The following ANTXR1 variants were observed in gnomAD, a reference collection of about 807,000 sequenced individuals.
ANTXR1 encodes ANTXR cell adhesion molecule 1.
ANTXR1 carries 19 observed loss-of-function variants against 78.1 expected under a neutral mutation model. The observed-to-expected ratio is 0.24, with a 90% confidence interval of 0.17 to 0.36. The LOEUF (loss-of-function observed/expected upper bound fraction) is 0.36, where lower values mean the gene tolerates loss of function less well. Ranked by LOEUF, ANTXR1 falls within the 10% of genes least tolerant of loss-of-function variation. ANTXR1 has a pLI of 1.00. For missense variants in ANTXR1, 518 were observed against 718.6 expected, an observed-to-expected ratio of 0.72 and a Z score of 3.19; for synonymous variants, 273 against 260.5, an observed-to-expected ratio of 1.05 and a Z score of -0.46.
intron 12 of ANTXR1, chr2:69,146,030 T>C: frequency 1.0e-6 from 1 of 985,502 alleles, no homozygotes; most frequent in Non-Finnish European, 1.2e-6. Flanking sequence ...AAAGCCATGA[T>C]GCAGGGATTT....
chr2:69,146,493 C>A (rs1468072644), intron 12 of ANTXR1: 1 of 708,640 alleles, frequency 1.4e-6, no homozygotes, highest in Non-Finnish European at 1.7e-6. Flanking sequence ...GAATCTTTTT[C>A]AAAGGTTTGT....
chr2:69,116,964 C>A (rs1672164072), intron 10 of ANTXR1, among the ~76,000 whole-genome samples: 1 of 152,206 alleles, frequency 6.6e-6, no homozygotes, highest in African/African-American at 2.4e-5. Flanking sequence ...GAACTTTCTT[C>A]TTTGCCAGTC....
chr2:69,203,086 G>C (rs1402063298), intron 17 of ANTXR1, among the ~76,000 whole-genome samples: 1 of 149,758 alleles, frequency 6.7e-6, no homozygotes, highest in African/African-American at 2.4e-5. Context: ...AAACAATTAA[G>C]TTTACATTAG....
At chr2:69,133,469 T>C (rs1274858352) in intron 12 of ANTXR1, among the ~76,000 whole-genome samples, 2 of 152,188 alleles carry the variant, frequency 1.3e-5, no homozygotes, top group Non-Finnish European at 2.9e-5. Context: ...GATTGGAGAC[T>C]CACCTTGAAG....
intron 9 of ANTXR1, among the ~76,000 whole-genome samples, chr2:69,091,699 T>C (rs2104285660): frequency 6.6e-6 from 1 of 152,282 alleles, no homozygotes; most frequent in Non-Finnish European, 1.5e-5. Context: ...ACAGTTAATA[T>C]ATTTATCTTA....
At chr2:69,167,140 G>A (rs1673848266) in intron 13 of ANTXR1, among the ~76,000 whole-genome samples, 1 of 152,216 alleles carries the variant, frequency 6.6e-6, no homozygotes, top group South Asian at 2.1e-4. Flanking sequence ...GGAGACTGGA[G>A]TGCAGAAAGT....
At chr2:69,138,986 A>T (rs561075577) in intron 12 of ANTXR1, among the ~76,000 whole-genome samples, 2 of 152,344 alleles carry the variant, frequency 1.3e-5, no homozygotes, top group East Asian at 3.9e-4. Context: ...GCCAAAGTAA[A>T]TATCTACAAA....
At chr2:69,119,941 C>T (rs1354832951) in intron 10 of ANTXR1, among the ~76,000 whole-genome samples, 2 of 152,224 alleles carry the variant, frequency 1.3e-5, no homozygotes, top group Non-Finnish European at 2.9e-5. Context: ...TTAGAGATTG[C>T]CTGCATGCAA....
At chr2:69,097,579 G>A (rs1049134587) in intron 9 of ANTXR1, among the ~76,000 whole-genome samples, 2 of 152,160 alleles carry the variant, frequency 1.3e-5, no homozygotes, top group African/African-American at 4.8e-5. Context: ...TTCATTCTCT[G>A]CTCAATCTTT....
chr2:69,030,788 CAATAAATAACAGGA>C (rs1322238200), intron 1 of ANTXR1, among the ~76,000 whole-genome samples: 1 of 151,792 alleles, frequency 6.6e-6, no homozygotes, highest in Admixed American at 6.6e-5. Flanking sequence ...GCATTATCGG[CAATAAATAACAGGA>C]AATGAATAGC....
In ANTXR1 at chr2:69,013,546, T is replaced by A; in HGVS notation, c.47T>A (p.Leu16His). 1 of 1,582,146 alleles carries A rather than the reference T, an allele frequency of 6.3e-7. No individual in the cohort carries two copies. Among genetic ancestry groups the A allele is most frequent in the South Asian group, 1.2e-5 (1 of 86,074 alleles). Residue 16 changes from leucine (L) to histidine (H), a missense_variant, in exon 1 of 18, where the codon CTC becomes CAC. Leu to His is a moderately conservative substitution (Grantham distance 99). Coordinates refer to ENST00000303714, the MANE Select transcript of ANTXR1 (RefSeq NM_032208.3). The surrounding 1 kb of genome is among the most constrained non-coding windows in gnomAD (Gnocchi z 5.0). ...RRALGIGFQW[L>H]SLATLVLICA... The stretch of plus-strand genomic sequence containing the variant: ...GCCCTCGGCATCGGCTTCCAGTGGC[T>A]CTCTTTGGCCACTCTGGTGCTCATC...
At chr2:69,054,256 A>G (rs1267095658) in intron 3 of ANTXR1, among the ~76,000 whole-genome samples, 1 of 152,164 alleles carries the variant, frequency 6.6e-6, no homozygotes, top group African/African-American at 2.4e-5. Flanking sequence ...AAGAAGCGCT[A>G]TCCCAGTGTT....
At chr2:69,090,524 TCATTTCCAGAGTTAAGTCC>T in intron 8 of ANTXR1, 1 of 373,404 alleles carries the variant, frequency 2.7e-6, no homozygotes, top group Non-Finnish European at 5.1e-6. Context: ...TTGGCATTTA[TCATTTCCAGAGTTAAGTCC>T]CATTTCCGCA....
intron 17 of ANTXR1, among the ~76,000 whole-genome samples, chr2:69,242,380 G>A (rs1324630664): frequency 6.6e-6 from 1 of 152,178 alleles, no homozygotes; most frequent in Non-Finnish European, 1.5e-5. Context: ...AAACCCCTGG[G>A]AATCCTAACA....
intron 17 of ANTXR1, among the ~76,000 whole-genome samples, chr2:69,216,069 C>T (rs898053076): frequency 6.6e-6 from 1 of 152,180 alleles, no homozygotes; most frequent in African/African-American, 2.4e-5. Context: ...AGAGGCTTGC[C>T]AGGGAGACCG....
chr2:69,212,382 G>A (rs149850533), intron 17 of ANTXR1, among the ~76,000 whole-genome samples: 162 of 152,272 alleles, frequency 1.1e-3, no homozygotes, highest in African/African-American at 3.6e-3. Flanking sequence ...GAAGATCCAT[G>A]AGGTTCTGCG....
Position 69,077,494 on chromosome 2 carries a change from T to G in ANTXR1, c.642+6T>G. 6.2e-7 allele frequency: 1 copy of G among 1,614,044 alleles called. No homozygotes were observed. The highest frequency in any genetic ancestry group is 1.1e-5 in the South Asian group (1 of 91,082). On this transcript the variant is annotated splice_donor_region_variant and intron_variant, in intron 8 of 17. Transcript: ENST00000303714. ...TGCAAGGCATCATCCACTCAGTAAG[T>G]AGAGCTCTTCCTCTGAGACTAGACA... is the stretch of plus-strand genomic sequence containing the variant.
At chr2:69,204,539 T>C in intron 17 of ANTXR1, among the ~76,000 whole-genome samples, 1 of 152,156 alleles carries the variant, frequency 6.6e-6, no homozygotes, top group South Asian at 2.1e-4. Context: ...TTATCCTCTT[T>C]TTAATATAGG....
rs1553379233 is a variant in ANTXR1, at chr2:69,245,362, GC to G, written c.1578del (p.Ser527AlafsTer67). 2.8e-6 allele frequency: 1 copy of G among 357,224 alleles called. No individual in the cohort carries two copies. The highest frequency in any genetic ancestry group is 4.2e-6 in the Non-Finnish European group (1 of 238,388). 22.1% of individuals were successfully genotyped at this position (357,224 alleles called of 1,614,324 possible). A position where few individuals can be genotyped will look rare whatever the true frequency, so the allele number is the denominator to read the frequency against. Reference protein sequence around the residue: ...PPPAPHCPPPPPSAPTPPIPS... With the variant: ...PPPAPHCPPPXPSAPTPPIPS... ...CTCCTGCGCCCCACTGCCCTCCCCC[GC>G]CCCCCAGCGCCCCTACCCCTCCCAT... On this transcript the variant is annotated frameshift_variant, in exon 18 of 18. Coordinates refer to ENST00000303714, the MANE Select transcript of ANTXR1 (RefSeq NM_032208.3). LOFTEE classifies it high-confidence loss of function.
Sources: allele counts gnomAD v4.1 joint callset (sites outside exome capture counted in the v4.1 genomes callset), GRCh38; gene constraint gnomAD v4.1.1; non-coding constraint Gnocchi (gnomAD v3.1); transcripts MANE v1.5; gene names NCBI Gene and HGNC (gene_info 2026-07-23, HGNC 2026-07-21).